The following PPP2R2B variants were observed in gnomAD, a reference collection of about 807,000 sequenced individuals.
The protein encoded by PPP2R2B is protein phosphatase 2 regulatory subunit Bbeta.
A neutral mutation model predicts 46.0 loss-of-function variants in PPP2R2B; 5 were observed. That is an observed-to-expected ratio of 0.11 (90% confidence interval 0.06 to 0.23). PPP2R2B has a LOEUF of 0.23. PPP2R2B is among the 10% of genes least tolerant of loss of function. The probability of loss-of-function intolerance (pLI) is 1.00; values close to 1 mark genes in which losing one functional copy is unlikely to be tolerated. For synonymous variants in PPP2R2B, 215 were observed against 206.7 expected (o/e 1.04, Z -0.34); for missense variants, 367 against 575.0 (o/e 0.64, Z 3.70).
intron 2 of PPP2R2B, among the ~76,000 whole-genome samples, chr5:147,069,667 T>A (rs1757516535): frequency 1.3e-5 from 2 of 152,066 alleles, no homozygotes; most frequent in South Asian, 4.1e-4. Context: ...TTCTACTCAT[T>A]ATTTGGGTCT....
intron 1 of PPP2R2B, among the ~76,000 whole-genome samples, chr5:147,005,130 A>G (rs1043218854): frequency 1.3e-5 from 2 of 152,192 alleles, no homozygotes; most frequent in African/African-American, 2.4e-5. Flanking sequence ...TTTCTCCCAG[A>G]GGATGGGGAA....
chr5:147,047,158 T>C (rs1486114452), intron 1 of PPP2R2B, among the ~76,000 whole-genome samples: 2 of 151,932 alleles, frequency 1.3e-5, no homozygotes, highest in East Asian at 3.9e-4. Flanking sequence ...CACACAAGCA[T>C]AGAGAGGGAT....
chr5:147,002,637 C>A (rs1283127619), intron 1 of PPP2R2B, among the ~76,000 whole-genome samples: 1 of 152,030 alleles, frequency 6.6e-6, no homozygotes, highest in African/African-American at 2.4e-5. Context: ...GCCACTAAAT[C>A]CAACCTTCCT....
intron 2 of PPP2R2B, among the ~76,000 whole-genome samples, chr5:146,762,955 G>A (rs943611844): frequency 6.6e-6 from 1 of 152,192 alleles, no homozygotes. Context: ...GAGTTCTCTA[G>A]TTGAGCCTCT....
chr5:147,001,793 G>A (rs1215778333), intron 1 of PPP2R2B, among the ~76,000 whole-genome samples: 10 of 152,164 alleles, frequency 6.6e-5, no homozygotes, highest in African/African-American at 2.4e-4. Flanking sequence ...CTAAAGACGC[G>A]GGTGCCAGGC....
At chr5:146,943,040 G>A (rs1764372436) in intron 1 of PPP2R2B, among the ~76,000 whole-genome samples, 1 of 151,986 alleles carries the variant, frequency 6.6e-6, no homozygotes, top group Admixed American at 6.6e-5. Context: ...CTCGTGATCC[G>A]CCCACCTGGG....
At chr5:146,919,560 C>T (rs1763517723) in intron 1 of PPP2R2B, 1 of 152,220 alleles carries the variant, frequency 6.6e-6, no homozygotes, top group African/African-American at 2.4e-5. Flanking sequence ...GCCAGAGCAA[C>T]AGACCACCCA....
At chr5:146,870,511 T>C (rs1473455459) in intron 2 of PPP2R2B, among the ~76,000 whole-genome samples, 1 of 152,190 alleles carries the variant, frequency 6.6e-6, no homozygotes, top group Non-Finnish European at 1.5e-5. Flanking sequence ...TGCTGGCACC[T>C]TGATCGTGGA....
At chr5:147,061,801 A>T (rs1047134967) in intron 2 of PPP2R2B, among the ~76,000 whole-genome samples, 19 of 152,220 alleles carry the variant, frequency 1.2e-4, no homozygotes, top group African/African-American at 3.6e-4. Flanking sequence ...TTTGGCTCTC[A>T]TTAAAAAGAA....
At chr5:146,975,672 G>A (rs1752865593) in intron 1 of PPP2R2B, among the ~76,000 whole-genome samples, 1 of 152,168 alleles carries the variant, frequency 6.6e-6, no homozygotes. Context: ...ATATTTAAAT[G>A]ACAGCCATCC....
intron 1 of PPP2R2B, among the ~76,000 whole-genome samples, chr5:146,967,597 T>C (rs1244919303): frequency 6.6e-6 from 1 of 152,136 alleles, no homozygotes; most frequent in Non-Finnish European, 1.5e-5. Context: ...TAGGGGACTA[T>C]ATCCAGGACA....
At chr5:147,053,545 A>AACACACACACAC (rs5872002) in intron 1 of PPP2R2B, among the ~76,000 whole-genome samples, 51,612 of 148,404 alleles carry the variant, frequency 0.35, 10,976 homozygotes, top group Middle Eastern at 0.5. Context: ...CAACAATATA[A>AACACACACACAC]ACACACACAC....
At chr5:146,845,315 T>TTTTTTTTTTTTTTTTTG (rs1759924138) in intron 2 of PPP2R2B, among the ~76,000 whole-genome samples, 4 of 125,526 alleles carry the variant, frequency 3.2e-5, no homozygotes, top group South Asian at 2.5e-4. Context: ...CTTTTTTTTG[T>TTTTTTTTTTTTTTTTTG]TTTTTTTTGA....
chr5:146,989,631 A>C (rs1753598689), intron 1 of PPP2R2B, among the ~76,000 whole-genome samples: 1 of 152,090 alleles, frequency 6.6e-6, no homozygotes, highest in African/African-American at 2.4e-5. Context: ...ACAAAACCAG[A>C]GCTAACATTA....
At chr5:146,966,119 C>T (rs999166294) in intron 1 of PPP2R2B, among the ~76,000 whole-genome samples, 6 of 152,178 alleles carry the variant, frequency 3.9e-5, no homozygotes, top group Non-Finnish European at 8.8e-5. Flanking sequence ...TCCTGTACAC[C>T]CATTAGAAAG....
chr5:146,896,890 G>T (rs1193787519), intron 1 of PPP2R2B, among the ~76,000 whole-genome samples: 1 of 152,090 alleles, frequency 6.6e-6, no homozygotes, highest in African/African-American at 2.4e-5. Context: ...TAAAACTAAA[G>T]TTCCAGGATA....
chr5:146,671,358 C>T (rs1159962592), intron 5 of PPP2R2B, among the ~76,000 whole-genome samples: 2 of 152,162 alleles, frequency 1.3e-5, no homozygotes, highest in African/African-American at 4.8e-5. Context: ...TACCTTCTCC[C>T]CATTAAGAAC....
upstream of PPP2R2B, among the ~76,000 whole-genome samples, chr5:146,881,002 G>T (rs1050584227): frequency 6.6e-6 from 1 of 151,908 alleles, no homozygotes; most frequent in Non-Finnish European, 1.5e-5. Context: ...ATAACACAAC[G>T]ACCTGTGGTG....
intron 2 of PPP2R2B, among the ~76,000 whole-genome samples, chr5:146,823,581 C>T (rs981412238): frequency 1.3e-5 from 2 of 152,006 alleles, no homozygotes; most frequent in African/African-American, 2.4e-5. Context: ...AGTTTAATTT[C>T]GAGAATTAAC....
Sources: allele counts gnomAD v4.1 joint callset (sites outside exome capture counted in the v4.1 genomes callset), GRCh38; gene constraint gnomAD v4.1.1; transcripts MANE v1.5; gene names NCBI Gene and HGNC (gene_info 2026-07-23, HGNC 2026-07-21).